COL12A1: variants seen among roughly 807,000 people sequenced by gnomAD.
COL12A1 encodes collagen type XII alpha 1 chain.
Under a neutral mutation model 349.7 loss-of-function variants are expected in COL12A1, and 114 were observed. The observed-to-expected ratio is 0.33, with a 90% CI of 0.28 to 0.38. The LOEUF is 0.38. Among genes scored for constraint, COL12A1 ranks in the 10% least tolerant of loss-of-function variants. The pLI, the probability that COL12A1 is intolerant of heterozygous loss-of-function variation, is 1.00. For synonymous variants in COL12A1, 1,369 were observed against 1,329.0 expected (o/e 1.03, Z -0.66); for missense variants, 3,284 against 3,756.9 (o/e 0.87, Z 3.29).
At chr6:75,139,900 T>A (rs183237054) in intron 27 of COL12A1, among the ~76,000 whole-genome samples, 1 of 152,272 alleles carries the variant, frequency 6.6e-6, no homozygotes, top group East Asian at 1.9e-4. Flanking sequence ...TGTCACTTAT[T>A]TCTCTATTTT....
chr6:75,160,163 TG>T lies in COL12A1; in HGVS notation c.2984-3641del, dbSNP rs371925848. Among the ~76,000 whole-genome samples, 15 of 152,250 alleles carry T rather than the reference TG, an allele frequency of 9.9e-5. No individual in the cohort carries two copies. The South Asian group carries it at 2.5e-3, about 25-fold the overall frequency. ...TAAATGCTGTTACACCCTCTCACAT[TG>T]TAAGTTCTTTTCATGTGTTAGTAAC... On this transcript the variant is annotated intron_variant, in intron 14 of 65. Transcript: ENST00000322507.
At chr6:75,182,549 T>C (rs1025126263) in intron 10 of COL12A1, among the ~76,000 whole-genome samples, 3 of 152,206 alleles carry the variant, frequency 2.0e-5, no homozygotes, top group Admixed American at 1.3e-4. Flanking sequence ...ACTCAAGGGA[T>C]GGGACTTTTA....
intron 13 of COL12A1, among the ~76,000 whole-genome samples, chr6:75,174,097 A>G (rs1274948510): frequency 6.6e-6 from 1 of 152,202 alleles, no homozygotes; most frequent in Admixed American, 6.5e-5. Flanking sequence ...AGCTGTGATT[A>G]TATCTCAAAA....
Position 75,131,920 on chromosome 6 carries a change from T to G in COL12A1, c.5937+20A>C. 1 of 1,612,968 alleles carries G rather than the reference T, an allele frequency of 6.2e-7. No homozygotes were observed. The highest frequency in any genetic ancestry group is 8.5e-7 in the Non-Finnish European group (1 of 1,179,310). On this transcript the variant is annotated intron_variant, in intron 35 of 65. Coordinates refer to ENST00000322507, the MANE Select transcript of COL12A1 (RefSeq NM_004370.6). ...ACTACATTCACCAGGAAATGCAGTT[T>G]CCATGACAAAATTACTTACAGATTC...
intron 8 of COL12A1, among the ~76,000 whole-genome samples, chr6:75,186,868 C>G (rs950962727): frequency 6.6e-6 from 1 of 152,024 alleles, no homozygotes; most frequent in African/African-American, 2.4e-5. Context: ...AACACAGGAA[C>G]AGAAAACCAA....
At chr6:75,190,001 A>G (rs1020157742) in intron 5 of COL12A1, among the ~76,000 whole-genome samples, 186 bp from the exon 6 acceptor site, 3 of 152,030 alleles carry the variant, frequency 2.0e-5, no homozygotes, top group African/African-American at 7.2e-5. Flanking sequence ...AGCATTTTCA[A>G]TGCCTTTATC....
intron 21 of COL12A1, among the ~76,000 whole-genome samples, chr6:75,148,836 A>T (rs1767335615): frequency 6.6e-6 from 1 of 152,122 alleles, no homozygotes; most frequent in African/African-American, 2.4e-5. Context: ...CCTGAATCTC[A>T]TCTTGAATTG....
At chr6:75,118,305 C>T (rs1769186257) in intron 46 of COL12A1, among the ~76,000 whole-genome samples, 1 of 152,092 alleles carries the variant, frequency 6.6e-6, no homozygotes, top group South Asian at 2.1e-4. Flanking sequence ...GACAGTATGA[C>T]TTAGCACTAA....
chr6:75,123,526 A>G lies in COL12A1; in HGVS notation c.6872-122T>C, dbSNP rs1765852438. ...ATCAAGTCGTACAAAATGAGACACCATTGTCATCGGTACTGACATGCTGGG... is the reference window on the plus strand; with the variant it reads ...ATCAAGTCGTACAAAATGAGACACCGTTGTCATCGGTACTGACATGCTGGG... On this transcript the variant is annotated intron_variant, in intron 42 of 65. Coordinates refer to ENST00000322507, the MANE Select transcript of COL12A1 (RefSeq NM_004370.6). 5 of 799,812 alleles carry G rather than the reference A, an allele frequency of 6.3e-6. 1 individual carries two copies. Among genetic ancestry groups the G allele is most frequent in the Non-Finnish European group, 8.0e-6 (4 of 498,392 alleles). 49.5% of individuals were successfully genotyped at this position (799,812 alleles called of 1,614,324 possible).
chr6:75,175,135 C>T lies in COL12A1; in HGVS notation c.2613G>A (p.Gln871=). The change falls in exon 13 of 66, where the codon CAG becomes CAA. Residue 871 remains glutamine (Q), a synonymous_variant. Coordinates refer to ENST00000322507, the MANE Select transcript of COL12A1 (RefSeq NM_004370.6). ...VRGDTTNTVL[Q]GLKEGTQYAL... ...CGTATTGTGTCCCTTCCTTCAATCC[C>T]TGCAGCACCGTATTGGTTGTATCTC... 6.2e-7 allele frequency: 1 copy of T among 1,614,184 alleles called. No homozygotes were observed. Among genetic ancestry groups the T allele is most frequent in the Non-Finnish European group, 8.5e-7 (1 of 1,180,032 alleles).
At chr6:75,116,572 C>A (rs565452413) in intron 47 of COL12A1, among the ~76,000 whole-genome samples, 1 of 152,212 alleles carries the variant, frequency 6.6e-6, no homozygotes, top group Non-Finnish European at 1.5e-5. Flanking sequence ...AGAAGAGAAA[C>A]CACTCCAGCC....
intron 52 of COL12A1, among the ~76,000 whole-genome samples, chr6:75,107,753 T>G (rs1386824445): frequency 1.3e-5 from 2 of 152,242 alleles, no homozygotes; most frequent in Admixed American, 6.5e-5. Flanking sequence ...TATCTTTCTA[T>G]AGTTTAAAAA....
chr6:75,199,287 C>T (rs1228158289), intron 2 of COL12A1, among the ~76,000 whole-genome samples: 1 of 152,118 alleles, frequency 6.6e-6, no homozygotes, highest in African/African-American at 2.4e-5. Flanking sequence ...CTCATTTTCT[C>T]ATTTGGAAAA....
chr6:75,087,309 C>T (rs952689402), intron 65 of COL12A1: 1 of 412,262 alleles, frequency 2.4e-6, no homozygotes, highest in Admixed American at 4.2e-5. Context: ...TACTAGCATG[C>T]TTTGAAGTCC....
intron 4 of COL12A1, 105 bp from the exon 5 acceptor site, chr6:75,191,865 G>A (rs1769947961): frequency 4.8e-6 from 3 of 623,558 alleles, no homozygotes; most frequent in Non-Finnish European, 7.4e-6. Context: ...TCTCTTAAAT[G>A]TATGGCTCTG....
At chr6:75,188,564 G>A (rs767505029) in intron 7 of COL12A1, 29 bp from the exon 8 acceptor site, 3 of 1,600,954 alleles carry the variant, frequency 1.9e-6, no homozygotes, top group African/African-American at 1.3e-5. Flanking sequence ...AGGACATATT[G>A]AAATGGGAAA....
rs1770226882 is a variant in COL12A1, at chr6:75,196,394, TG to T, written c.74-1448del. On this transcript the variant is annotated intron_variant, in intron 2 of 65. Transcript: ENST00000322507. ...GAATTTAACTGGGGTTAAAGATTTA[TG>T]TAATATTAATAATATGTTTTAATGG... 2.0e-5 allele frequency among the ~76,000 whole-genome samples: 3 copies of T among 152,334 alleles called. No homozygotes were observed. The South Asian group carries it at 6.2e-4, about 32-fold the overall frequency.
At position 75,086,552 on chromosome 6, in the gene COL12A1, C is replaced by G; in HGVS notation, c.9187G>C (p.Gly3063Arg). ...CTGGCGACTTAGAAAATGTGTTAGC[C>G]GGAACCTGAAACAGGTCAAAGATGA... Reference protein sequence around the residue: ...PYNGQGYPGSG With the variant: ...PYNGQGYPGSR The change falls in exon 66 of 66, where the codon GGC becomes CGC. Residue 3063 changes from glycine to arginine, a missense_variant. Coordinates refer to ENST00000322507, the MANE Select transcript of COL12A1 (RefSeq NM_004370.6). The G allele has an allele frequency of 6.2e-7, 1 of 1,600,922 alleles. No homozygotes were observed. Among genetic ancestry groups the G allele is most frequent in the Non-Finnish European group, 8.5e-7 (1 of 1,172,562 alleles).
At position 75,124,252 on chromosome 6, in the gene COL12A1, T is replaced by C. The variant is rs772634814; in HGVS notation, c.6724+3A>G. On this transcript the variant is annotated splice_donor_region_variant and intron_variant, in intron 41 of 65. Transcript: ENST00000322507. Reference sequence around the variant, plus strand: ...ATCATTTTTTTCTTTTTTACACACATACCATCTGCAGGGCTTAGTTTTAGC... The same window carrying C: ...ATCATTTTTTTCTTTTTTACACACACACCATCTGCAGGGCTTAGTTTTAGC... The C allele has an allele frequency of 1.2e-6, 2 of 1,611,228 alleles. No individual in the cohort carries two copies. Among genetic ancestry groups the C allele is most frequent in the South Asian group, 2.2e-5 (2 of 90,550 alleles).
Sources: gnomAD v4.1 joint callset for allele counts (sites outside exome capture counted in the v4.1 genomes callset) on GRCh38, gnomAD v4.1.1 for gene constraint, MANE v1.5 for transcripts, NCBI Gene and HGNC (gene_info 2026-07-23, HGNC 2026-07-21) for gene names.